The following PIP5K1C variants were observed in gnomAD, a reference collection of about 807,000 sequenced individuals.
PIP5K1C encodes phosphatidylinositol 4-phosphate 5-kinase type-1 gamma.
In PIP5K1C, 45 loss-of-function variants were observed where a neutral mutation model predicts 80.1. That is an observed-to-expected ratio of 0.56 (90% confidence interval 0.44 to 0.72). The LOEUF (loss-of-function observed/expected upper bound fraction) is 0.72, where lower values mean the gene tolerates loss of function less well. Among genes scored for constraint, PIP5K1C ranks in the 30% least tolerant of loss-of-function variants. The pLI is 0.00. For missense variants in PIP5K1C, 753 were observed against 954.6 expected (o/e 0.79, Z 2.78); for synonymous variants, 498 against 420.1 (o/e 1.19, Z -2.27).
chr19:3,683,049 GA>G (rs1364682267), intron 1 of PIP5K1C, among the ~76,000 whole-genome samples: 1 of 151,444 alleles, frequency 6.6e-6, no homozygotes, highest in Non-Finnish European at 1.5e-5. Flanking sequence ...CCTCTGCCTG[GA>G]ACTCTCTCTC....
chr19:3,652,595 C>T (rs993326993), intron 7 of PIP5K1C, among the ~76,000 whole-genome samples: 2 of 151,438 alleles, frequency 1.3e-5, no homozygotes, highest in South Asian at 2.1e-4. Flanking sequence ...CTCCATGCCT[C>T]GAAGCTGCCG....
rs777613205 is a variant in PIP5K1C at position 3,656,394 on chromosome 19, G to A, written c.621+11C>T. 25 of 1,612,848 alleles carry A rather than the reference G, an allele frequency of 1.6e-5. No homozygotes were observed. The highest frequency in any genetic ancestry group is 4.5e-5 in the East Asian group (2 of 44,888). Reference sequence around the variant, plus strand: ...CGAGGAGCCATCTGCCCCGCAGGGCGGGCCACGCACCATGTAGTAGCCAGG... The same window carrying A: ...CGAGGAGCCATCTGCCCCGCAGGGCAGGCCACGCACCATGTAGTAGCCAGG... On this transcript the variant is annotated intron_variant, in intron 6 of 17. Transcript: ENST00000335312.
At position 3,661,991 on chromosome 19, in the gene PIP5K1C, G is replaced by T; in HGVS notation, c.230C>A (p.Ser77Tyr). The T allele has an allele frequency of 6.3e-7, 1 of 1,598,880 alleles. No homozygotes were observed. Among genetic ancestry groups the T allele is most frequent in the East Asian group, 2.3e-5 (1 of 44,132 alleles). ...GETTYKKTTS[S>Y]TLKGAIQLGI... ...CAGCTGGATGGCACCCTTCAGGGTG[G>T]AGGAGGTGGTCTGCAGGGAGACCAG... is the stretch of plus-strand genomic sequence containing the variant. The change falls in exon 4 of 18, where the codon TCC becomes TAC. Residue 77 changes from serine to tyrosine, a missense_variant. Coordinates refer to ENST00000335312, the MANE Select transcript of PIP5K1C (RefSeq NM_012398.3).
rs2034459483 is a variant in PIP5K1C at position 3,651,770 on chromosome 19, CT to C, written c.1127+55del. On this transcript the variant is annotated intron_variant, in intron 8 of 17. Coordinates refer to ENST00000335312, the MANE Select transcript of PIP5K1C (RefSeq NM_012398.3). The stretch of plus-strand genomic sequence containing the variant: ...TCACACTTGGGACGGGGATGGGGAA[CT>C]GGAGCCTGTGGGGAAGGGAAGCGGG... 2.7e-5 allele frequency: 42 copies of C among 1,537,428 alleles called. No homozygotes were observed. The South Asian group carries it at 4.7e-4, about 17-fold the overall frequency.
At chr19:3,678,003 ACAGATGGAG>A (rs2035432639) in intron 1 of PIP5K1C, among the ~76,000 whole-genome samples, 2 of 84,634 alleles carry the variant, frequency 2.4e-5, no homozygotes, top group African/African-American at 5.5e-5. Flanking sequence ...GGAGGGATGG[ACAGATGGAG>A]GGATGGAGAG....
In PIP5K1C at chr19:3,696,508, C is replaced by G. The variant is rs2036105632; in HGVS notation, c.94+3789G>C. Among the ~76,000 whole-genome samples the G allele has an allele frequency of 6.7e-6, 1 of 149,708 alleles. No homozygotes were observed. Among genetic ancestry groups the G allele is most frequent in the South Asian group, 2.1e-4 (1 of 4,794 alleles). On this transcript the variant is annotated intron_variant, in intron 1 of 17. Coordinates refer to ENST00000335312, the MANE Select transcript of PIP5K1C (RefSeq NM_012398.3). The surrounding 1 kb of genome is among the most constrained non-coding windows in gnomAD (Gnocchi z 4.1). ...AGAAGGGGAGACCGCTGTGTGGTGACAGCAGGGCAGGGAGGCCTCACGGAG... is the reference window on the plus strand; with the variant it reads ...AGAAGGGGAGACCGCTGTGTGGTGAGAGCAGGGCAGGGAGGCCTCACGGAG...
At chr19:3,682,370 T>C (rs1435987386) in intron 1 of PIP5K1C, among the ~76,000 whole-genome samples, 10 of 121,010 alleles carry the variant, frequency 8.3e-5, no homozygotes, top group Admixed American at 2.5e-4. Flanking sequence ...CAAGACTCCA[T>C]CTAAAAAAAA....
intron 12 of PIP5K1C, 117 bp from the exon 13 acceptor site, chr19:3,643,498 C>G (rs2034071012): frequency 8.5e-7 from 1 of 1,177,758 alleles, no homozygotes; most frequent in Non-Finnish European, 1.2e-6. Flanking sequence ...CGCCCGCCTC[C>G]CAGACACTCC....
intron 1 of PIP5K1C, among the ~76,000 whole-genome samples, chr19:3,690,570 G>A (rs1019612324): frequency 6.6e-6 from 1 of 151,818 alleles, no homozygotes; most frequent in African/African-American, 2.4e-5. Flanking sequence ...CCTCAGAACA[G>A]GAAGACTTTC....
In PIP5K1C at chr19:3,653,487, G is replaced by A. The variant is rs2034522025; in HGVS notation, c.724C>T (p.Leu242=). 9.3e-6 allele frequency: 15 copies of A among 1,613,786 alleles called. No homozygotes were observed. Among genetic ancestry groups the A allele is most frequent in the African/African-American group, 2.7e-5 (2 of 74,950 alleles). The change falls in exon 7 of 18, where the codon CTG becomes TTG. Residue 242 remains leucine (L), a synonymous_variant. Coordinates refer to ENST00000335312, the MANE Select transcript of PIP5K1C (RefSeq NM_012398.3). ...AGGTGCATCTTGACCACGCGGGGCA[G>A]GATGTTGTTCATGACCACGACGCGG... ...NIRVVVMNNI[L]PRVVKMHLKF... is the part of the protein sequence containing the mutation.
At chr19:3,663,007 C>T (rs547483516) in intron 3 of PIP5K1C, among the ~76,000 whole-genome samples, 7 of 152,022 alleles carry the variant, frequency 4.6e-5, no homozygotes, top group African/African-American at 1.4e-4. Context: ...ATTACAGGCA[C>T]GCACCAGCAC....
At chr19:3,686,736 A>T (rs1481237852) in intron 1 of PIP5K1C, among the ~76,000 whole-genome samples, 1 of 144,742 alleles carries the variant, frequency 6.9e-6, no homozygotes, top group Non-Finnish European at 1.5e-5. Flanking sequence ...ATAAATAAAT[A>T]AAATAAAATA....
intron 10 of PIP5K1C, 75 bp from the exon 11 acceptor site, chr19:3,646,133 C>T (rs1045285036): frequency 1.1e-5 from 10 of 902,334 alleles, no homozygotes; most frequent in Admixed American, 3.4e-5. Context: ...CCCAGACAGA[C>T]GCTGTATGTG....
Position 3,633,459 on chromosome 19 carries a change from G to A in PIP5K1C, c.1982C>T (p.Ala661Val), listed in dbSNP as rs1032781573. Residue 661 changes from alanine to valine, a missense_variant, in exon 17 of 18, where the codon GCC becomes GTC. This residue lies in a region of PIP5K1C where 315 missense variants were observed against 294.5 expected (regional missense o/e 1.07). Transcript: ENST00000335312. ...TACTGTGTCGCTCTCGCCGTCGGAG[G>A]CCGGGGGGGCCTGGGCGCTATAGTG... Reference protein sequence around the residue: ...PLHYSAQAPPASDGESDT With the variant: ...PLHYSAQAPPVSDGESDT 10 of 1,505,222 alleles carry A rather than the reference G, an allele frequency of 6.6e-6. No homozygotes were observed. The African/African-American group carries it at 7.0e-5, about 11-fold the overall frequency. 93.2% of individuals were successfully genotyped at this position (1,505,222 alleles called of 1,614,324 possible). A position where few individuals can be genotyped will look rare whatever the true frequency, so the allele number is the denominator to read the frequency against.
chr19:3,680,519 G>C (rs569255765), intron 1 of PIP5K1C, among the ~76,000 whole-genome samples: 4 of 152,254 alleles, frequency 2.6e-5, no homozygotes, highest in African/African-American at 9.6e-5. Flanking sequence ...GGCCAGGCTG[G>C]TCTCGCTCCT....
rs1298505387 is a variant in PIP5K1C at position 3,633,029 on chromosome 19, T to C, written c.*138A>G. 9.4e-6 allele frequency: 6 copies of C among 636,066 alleles called. No homozygotes were observed. The East Asian group carries it at 1.4e-4, about 15-fold the overall frequency. 39.4% of individuals were successfully genotyped at this position (636,066 alleles called of 1,614,324 possible). ...GGAGGGGCCCGGCCGTCGGCATCCG[T>C]GCAGGGGGAGGACGAGGTCCGGTGG... On this transcript the variant is annotated 3_prime_UTR_variant, in exon 18 of 18. Coordinates refer to ENST00000335312, the MANE Select transcript of PIP5K1C (RefSeq NM_012398.3).
Position 3,696,027 on chromosome 19 carries a change from G to C in PIP5K1C, c.94+4270C>G, listed in dbSNP as rs1043162248. On this transcript the variant is annotated intron_variant, in intron 1 of 17. Coordinates refer to ENST00000335312, the MANE Select transcript of PIP5K1C (RefSeq NM_012398.3). The surrounding 1 kb of genome is among the most constrained non-coding windows in gnomAD (Gnocchi z 4.1). ...ATTACAGGTGTGAGCCACCGTGCCC[G>C]GCCTCCCTGACCTTTTTACACAGAC... Among the ~76,000 whole-genome samples the C allele has an allele frequency of 5.3e-5, 8 of 152,120 alleles. No individual in the cohort carries two copies. Among genetic ancestry groups the C allele is most frequent in the Non-Finnish European group, 1.2e-4 (8 of 68,018 alleles).
chr19:3,653,412 CCTTCTT>C lies in PIP5K1C; in HGVS notation c.793_798del (p.Lys265_Lys266del). Reference sequence around the variant, plus strand: ...TAGGTGGGGAAGCTCTTCTCCTTCTCCTTCTTGCTGGCGCGCCGCTTGTAGGTGGAG... The same window carrying C: ...TAGGTGGGGAAGCTCTTCTCCTTCTCGCTGGCGCGCCGCTTGTAGGTGGAG... On this transcript the variant is annotated inframe_deletion, in exon 7 of 18. Coordinates refer to ENST00000335312, the MANE Select transcript of PIP5K1C (RefSeq NM_012398.3). 6.2e-7 allele frequency: 1 copy of C among 1,613,366 alleles called. No homozygotes were observed.
chr19:3,644,366 G>A (rs972389377), intron 11 of PIP5K1C, 115 bp from the exon 12 acceptor site: 9 of 1,031,646 alleles, frequency 8.7e-6, no homozygotes, highest in Admixed American at 4.4e-5. Flanking sequence ...GACCCCTACC[G>A]GTCCCTGAGG....
Sources: allele counts gnomAD v4.1 joint callset (sites outside exome capture counted in the v4.1 genomes callset), GRCh38; gene constraint gnomAD v4.1.1; regional missense constraint gnomAD v4.1.1; non-coding constraint Gnocchi (gnomAD v3.1); transcripts MANE v1.5; gene names NCBI Gene and HGNC (gene_info 2026-07-23, HGNC 2026-07-21).